TCF4: variants seen among roughly 807,000 people sequenced by gnomAD.
The protein encoded by TCF4 is SL3-3 enhancer factor 2.
A neutral mutation model predicts 82.1 loss-of-function variants in TCF4; 3 were observed. The observed-to-expected ratio is 0.04, with a 90% CI of 0.02 to 0.09. TCF4 has a LOEUF of 0.09. TCF4 is among the 10% of genes least tolerant of loss of function. The pLI is 1.00. For missense variants in TCF4, 518 were observed against 852.7 expected (o/e 0.61, Z 4.89); for synonymous variants, 276 against 309.6 (o/e 0.89, Z 1.14).
chr18:55,474,728 C>T (rs12326678), intron 3 of TCF4, among the ~76,000 whole-genome samples: 16,339 of 151,940 alleles, frequency 0.11, 1,207 homozygotes, highest in South Asian at 0.2. Context: ...TTCATTCTTC[C>T]CATATTTTAC....
intron 5 of TCF4, among the ~76,000 whole-genome samples, chr18:55,451,921 A>G (rs2095631711): frequency 6.6e-6 from 1 of 152,196 alleles, no homozygotes; most frequent in Admixed American, 6.5e-5. Flanking sequence ...CGGGAGGATC[A>G]CTTGAGCCTA....
chr18:55,565,983 G>A (rs2097402023), intron 3 of TCF4, among the ~76,000 whole-genome samples: 2 of 150,036 alleles, frequency 1.3e-5, no homozygotes, highest in African/African-American at 2.5e-5. Context: ...AGGCGATCAC[G>A]AGGTCAGGAG....
chr18:55,458,845 T>C lies in TCF4; in HGVS notation c.304+2174A>G, dbSNP rs540619791. 6.6e-5 allele frequency among the ~76,000 whole-genome samples: 10 copies of C among 152,336 alleles called. No homozygotes were observed. The East Asian group carries it at 1.9e-3, about 29-fold the overall frequency. On this transcript the variant is annotated intron_variant, in intron 5 of 19. Coordinates refer to ENST00000354452, the MANE Select transcript of TCF4 (RefSeq NM_001083962.2). Reference sequence around the variant, plus strand: ...TGTCTTTTTCTCCCTTTTCCATTTTTTTTGCATACCGCGCAATACCCTCTC... The same window carrying C: ...TGTCTTTTTCTCCCTTTTCCATTTTCTTTGCATACCGCGCAATACCCTCTC...
intron 8 of TCF4, among the ~76,000 whole-genome samples, chr18:55,312,037 T>C (rs1295077997): frequency 2.6e-5 from 4 of 152,198 alleles, no homozygotes; most frequent in Non-Finnish European, 5.9e-5. Flanking sequence ...AAGAGTTTAA[T>C]CTACATAGCT....
intron 3 of TCF4, among the ~76,000 whole-genome samples, chr18:55,518,387 A>G (rs2096903150): frequency 6.6e-6 from 1 of 152,198 alleles, no homozygotes; most frequent in Admixed American, 6.5e-5. Flanking sequence ...AACAAAAATG[A>G]AAAAACGTGT....
intron 6 of TCF4, among the ~76,000 whole-genome samples, chr18:55,399,507 A>AT (rs2093678037): frequency 2.6e-5 from 4 of 152,196 alleles, no homozygotes. Flanking sequence ...AAAACAAGAT[A>AT]TGGGCTGGGA....
At chr18:55,621,102 C>A (rs2097717511) in intron 2 of TCF4, among the ~76,000 whole-genome samples, 1 of 151,818 alleles carries the variant, frequency 6.6e-6, no homozygotes, top group South Asian at 2.1e-4. Flanking sequence ...AAGGTTACGA[C>A]TCTTTATGGA....
intron 4 of TCF4, 26 bp downstream of exon 4, chr18:55,464,050 T>C: frequency 1.9e-6 from 3 of 1,611,078 alleles, no homozygotes; most frequent in South Asian, 2.2e-5. Context: ...TGTCTGGTTG[T>C]GGGAGAAAAG....
rs1599275235 is a variant in TCF4 at position 55,224,719 on chromosome 18, G to A, written c.*3316C>T. 1 of 152,658 alleles carries A rather than the reference G, an allele frequency of 6.6e-6. No homozygotes were observed. Among genetic ancestry groups the A allele is most frequent in the South Asian group, 2.1e-4 (1 of 4,822 alleles). 9.5% of individuals were successfully genotyped at this position (152,658 alleles called of 1,614,324 possible). A position where few individuals can be genotyped will look rare whatever the true frequency, so the allele number is the denominator to read the frequency against. Reference sequence around the variant, plus strand: ...GAATCAGAACCAGTTGCACCACTGGGTGGACTGACAGTTGTATAAACATTA... The same window carrying A: ...GAATCAGAACCAGTTGCACCACTGGATGGACTGACAGTTGTATAAACATTA... On this transcript the variant is annotated 3_prime_UTR_variant, in exon 20 of 20. Transcript: ENST00000354452.
rs1474765109 is a variant in TCF4, at chr18:55,479,359, C to T, written c.146-15222G>A. On this transcript the variant is annotated intron_variant, in intron 3 of 19. Transcript: ENST00000354452. ...AAGACACTGGATTTTATCAAATACC[C>T]AATACCTCTGAAAACTAGTGGTCAC... 1.9e-5 allele frequency: 3 copies of T among 154,332 alleles called. No individual in the cohort carries two copies. The East Asian group carries it at 5.8e-4, about 30-fold the overall frequency. 9.6% of individuals were successfully genotyped at this position (154,332 alleles called of 1,614,324 possible).
Position 55,227,075 on chromosome 18 carries a change from A to T in TCF4, c.*960T>A, listed in dbSNP as rs1216338468. The T allele has an allele frequency of 6.6e-6, 1 of 152,554 alleles. No homozygotes were observed. The highest frequency in any genetic ancestry group is 1.9e-4 in the East Asian group (1 of 5,194). 9.5% of individuals were successfully genotyped at this position (152,554 alleles called of 1,614,324 possible). On this transcript the variant is annotated 3_prime_UTR_variant, in exon 20 of 20. Coordinates refer to ENST00000354452, the MANE Select transcript of TCF4 (RefSeq NM_001083962.2). ...GTAATGCTGCTTGTAATATCTACAC[A>T]TGATGTGACTTTTAAGTCCTGTGTT...
intron 2 of TCF4, among the ~76,000 whole-genome samples, chr18:55,599,323 C>A (rs1196342478): frequency 6.6e-6 from 1 of 152,222 alleles, no homozygotes; most frequent in African/African-American, 2.4e-5. Context: ...CACCTCAATT[C>A]TTCCCTCCCC....
At chr18:55,337,869 G>A (rs959289306) in intron 8 of TCF4, among the ~76,000 whole-genome samples, 9 of 152,054 alleles carry the variant, frequency 5.9e-5, no homozygotes, top group African/African-American at 2.2e-4. Context: ...ACGTCCGATG[G>A]CCATGTACAT....
In TCF4 at chr18:55,260,044, GAA is replaced by G; in HGVS notation, c.991-19_991-18del. On this transcript the variant is annotated intron_variant, in intron 12 of 19. Transcript: ENST00000354452. ...AGAATAGATCTTAAAACAATAAGGAGAAAAAAAAAACACCCTCATTCATTAAA... is the reference window on the plus strand; with the variant it reads ...AGAATAGATCTTAAAACAATAAGGAGAAAAAAAACACCCTCATTCATTAAA... 4 of 1,433,584 alleles carry G rather than the reference GAA, an allele frequency of 2.8e-6. No homozygotes were observed. Among genetic ancestry groups the G allele is most frequent in the Non-Finnish European group, 3.8e-6 (4 of 1,049,252 alleles). 88.8% of individuals were successfully genotyped at this position (1,433,584 alleles called of 1,614,324 possible).
intron 11 of TCF4, among the ~76,000 whole-genome samples, chr18:55,262,247 C>A (rs1321545388): frequency 6.6e-6 from 1 of 152,030 alleles, no homozygotes; most frequent in Non-Finnish European, 1.5e-5. Flanking sequence ...AAGAGAAGAA[C>A]AAAGAGTATT....
chr18:55,549,106 G>T (rs1384055059), intron 3 of TCF4, among the ~76,000 whole-genome samples: 2 of 152,016 alleles, frequency 1.3e-5, no homozygotes, highest in Non-Finnish European at 1.5e-5. Flanking sequence ...TCTAAGACCA[G>T]CTTGAGTAAC....
intron 2 of TCF4, among the ~76,000 whole-genome samples, chr18:55,621,488 ATT>A (rs1670473982): frequency 1.2e-4 from 1 of 8,144 alleles, no homozygotes; most frequent in Non-Finnish European, 2.6e-4. Context: ...TATAATATAT[ATT>A]ATATAATGTA....
At chr18:55,257,280 A>G in intron 14 of TCF4, 35 bp downstream of exon 14, 1 of 1,600,692 alleles carries the variant, frequency 6.2e-7, no homozygotes, top group Non-Finnish European at 8.6e-7. Flanking sequence ...ATGACCTGAA[A>G]ATGGGTGGGA....
intron 3 of TCF4, among the ~76,000 whole-genome samples, chr18:55,523,616 T>C (rs974321525): frequency 2.0e-5 from 3 of 151,966 alleles, no homozygotes; most frequent in African/African-American, 7.2e-5. Flanking sequence ...GACTTTCCCT[T>C]TTTATTTTTT....
Sources: gnomAD v4.1 joint callset for allele counts (sites outside exome capture counted in the v4.1 genomes callset) on GRCh38, gnomAD v4.1.1 for gene constraint, MANE v1.5 for transcripts, NCBI Gene and HGNC (gene_info 2026-07-23, HGNC 2026-07-21) for gene names.